The following NFIX variants were observed in gnomAD, a reference collection of about 807,000 sequenced individuals.
NFIX encodes the protein nuclear factor I X.
In NFIX, 2 loss-of-function variants were observed where a neutral mutation model predicts 53.3. The observed-to-expected ratio is 0.04, with a 90% CI of 0.02 to 0.12. NFIX has a LOEUF of 0.12. Ranked by LOEUF, NFIX falls within the 10% of genes least tolerant of loss-of-function variation. The pLI is 1.00. For synonymous variants in NFIX, 244 were observed against 289.0 expected, an observed-to-expected ratio of 0.84 and a Z score of 1.58; for missense variants, 310 against 674.5, an observed-to-expected ratio of 0.46 and a Z score of 5.99.
Position 13,028,824 on chromosome 19 carries a change from A to G in NFIX, c.559+3272A>G, listed in dbSNP as rs974986495. 6.6e-6 allele frequency among the ~76,000 whole-genome samples: 1 copy of G among 152,078 alleles called. No individual in the cohort carries two copies. The highest frequency in any genetic ancestry group is 1.5e-5 in the Non-Finnish European group (1 of 68,012). On this transcript the variant is annotated intron_variant, in intron 2 of 10. Coordinates refer to ENST00000592199, the MANE Select transcript of NFIX (RefSeq NM_001365902.3). The surrounding 1 kb of genome is among the most constrained non-coding windows in gnomAD (Gnocchi z 4.2). Reference sequence around the variant, plus strand: ...GAGATCTCTGCTTGTGTGAGAAAGGATGGCCGAGCTGGCCTAGAACCGCTG... The same window carrying G: ...GAGATCTCTGCTTGTGTGAGAAAGGGTGGCCGAGCTGGCCTAGAACCGCTG...
At chr19:13,026,724 T>TCTC (rs2013385546) in intron 2 of NFIX, among the ~76,000 whole-genome samples, 12 of 145,936 alleles carry the variant, frequency 8.2e-5, no homozygotes, top group Admixed American at 1.4e-4. Flanking sequence ...TACCAAACCT[T>TCTC]TCTCTCTCTC....
rs186437040 is a variant in NFIX, at chr19:13,023,196, A to G, written c.28-1825A>G. On this transcript the variant is annotated intron_variant, in intron 1 of 10. Coordinates refer to ENST00000592199, the MANE Select transcript of NFIX (RefSeq NM_001365902.3). ...GAGAGAGAGGGAGTTTGAGAGAGAG[A>G]AAAGGAGCAAAAAAAAAAAACACCC... Among the ~76,000 whole-genome samples the G allele has an allele frequency of 2.7e-3, 404 of 149,596 alleles. 3 individuals carry two copies. The highest frequency in any genetic ancestry group is 0.014 in the Middle Eastern group (4 of 280).
chr19:13,073,910 T>C lies in NFIX; in HGVS notation c.702T>C (p.Pro234=). The C allele has an allele frequency of 6.2e-7, 1 of 1,614,006 alleles. No individual in the cohort carries two copies. The highest frequency in any genetic ancestry group is 1.1e-5 in the South Asian group (1 of 91,084). ...VTELVRVSQT[P]VATASGPNFS... is the part of the protein sequence containing the mutation. Reference sequence around the variant, plus strand: ...TCACCCTCTCGTTCTTCCCAGCTCCTGTTGCAACAGCATCAGGGCCCAACT... The same window carrying C: ...TCACCCTCTCGTTCTTCCCAGCTCCCGTTGCAACAGCATCAGGGCCCAACT... Residue 234 remains proline, a synonymous_variant, in exon 5 of 11, where the codon CCT becomes CCC. Coordinates refer to ENST00000592199, the MANE Select transcript of NFIX (RefSeq NM_001365902.3). The surrounding 1 kb of genome is among the most constrained non-coding windows in gnomAD (Gnocchi z 4.5).
intron 1 of NFIX, among the ~76,000 whole-genome samples, chr19:13,010,257 C>T (rs1051176877): frequency 1.6e-4 from 25 of 152,182 alleles, no homozygotes; most frequent in African/African-American, 6.0e-4. Flanking sequence ...CAGCTGGGTC[C>T]GGACGGCGGC....
chr19:13,074,606 G>A (rs973953641), intron 5 of NFIX, among the ~76,000 whole-genome samples: 3 of 151,906 alleles, frequency 2.0e-5, no homozygotes, highest in Admixed American at 6.6e-5. Context: ...GTGGGGGAGG[G>A]CCTGGAGGGT....
rs2014763925 is a variant in NFIX at position 13,043,315 on chromosome 19, C to G, written c.559+17763C>G. ...GAAGGGGAGGGACCCTTGGGGGTCACCGTGGCATGGCAGTTTCCTCTCAGC... is the reference window on the plus strand; with the variant it reads ...GAAGGGGAGGGACCCTTGGGGGTCAGCGTGGCATGGCAGTTTCCTCTCAGC... On this transcript the variant is annotated intron_variant, in intron 2 of 10. Transcript: ENST00000592199. This position sits in a 1 kb window ranked among gnomAD's most constrained non-coding sequence, Gnocchi z 4.0. 6.6e-6 allele frequency among the ~76,000 whole-genome samples: 1 copy of G among 152,210 alleles called. No homozygotes were observed. Among genetic ancestry groups the G allele is most frequent in the Admixed American group, 6.5e-5 (1 of 15,284 alleles).
rs901510245 is a variant in NFIX at position 13,008,626 on chromosome 19, C to T, written c.27+12762C>T. Among the ~76,000 whole-genome samples, 6 of 152,168 alleles carry T rather than the reference C, an allele frequency of 3.9e-5. No homozygotes were observed. In the South Asian group the frequency reaches 6.2e-4, roughly 16 times the overall value. On this transcript the variant is annotated intron_variant, in intron 1 of 10. Coordinates refer to ENST00000592199, the MANE Select transcript of NFIX (RefSeq NM_001365902.3). ...CCCTCTTCTTCTTTCTCCAGGTCTC[C>T]GCTGGCCCTGCCCAGGCCTGGAGCT...
chr19:13,004,645 C>T (rs2011915927), intron 1 of NFIX, among the ~76,000 whole-genome samples: 1 of 151,984 alleles, frequency 6.6e-6, no homozygotes, highest in African/African-American at 2.4e-5. Flanking sequence ...AATTGGGAGC[C>T]CCAAATCCCT....
chr19:13,017,730 C>G (rs1179254672), intron 1 of NFIX, among the ~76,000 whole-genome samples: 2 of 152,238 alleles, frequency 1.3e-5, no homozygotes, highest in Non-Finnish European at 2.9e-5. Context: ...CTCTCGACTT[C>G]CAGATATTTT....
chr19:13,023,444 C>G (rs570428886), intron 1 of NFIX, among the ~76,000 whole-genome samples: 1 of 151,982 alleles, frequency 6.6e-6, no homozygotes, highest in Admixed American at 6.5e-5. Context: ...TTCCTCCGAT[C>G]AGGCAGCTCG....
rs928383445 is a variant in NFIX, at chr19:13,040,557, G to A, written c.559+15005G>A. On this transcript the variant is annotated intron_variant, in intron 2 of 10. Transcript: ENST00000592199. This position sits in a 1 kb window ranked among gnomAD's most constrained non-coding sequence, Gnocchi z 4.2. The stretch of plus-strand genomic sequence containing the variant: ...TCCCTCCCTCTCCTCAGGAGCCCTG[G>A]CCTCCAGGCTCCTTGTATGGACAGA... 6.6e-6 allele frequency among the ~76,000 whole-genome samples: 1 copy of A among 152,138 alleles called. No homozygotes were observed. Among genetic ancestry groups the A allele is most frequent in the Non-Finnish European group, 1.5e-5 (1 of 68,030 alleles).
rs991735815 is a variant in NFIX at position 13,088,829 on chromosome 19, GTCTC to G, written c.1402+697_1402+700del. 4.0e-5 allele frequency among the ~76,000 whole-genome samples: 6 copies of G among 151,814 alleles called. No homozygotes were observed. The highest frequency in any genetic ancestry group is 1.5e-4 in the African/African-American group (6 of 41,294). On this transcript the variant is annotated intron_variant, in intron 9 of 10. Coordinates refer to ENST00000592199, the MANE Select transcript of NFIX (RefSeq NM_001365902.3). The surrounding 1 kb of genome is among the most constrained non-coding windows in gnomAD (Gnocchi z 5.9). ...TTTGGCTTACTTCATCTCTCTCTCT[GTCTC>G]TCTTTCTTTTCTTTTCTTTTCTTTT...
intron 1 of NFIX, among the ~76,000 whole-genome samples, chr19:13,007,837 C>T (rs374226179): frequency 2.6e-5 from 4 of 152,128 alleles, no homozygotes; most frequent in Non-Finnish European, 5.9e-5. Context: ...TTTTCGCTGC[C>T]GAGGCTGCAA....
Position 13,072,594 on chromosome 19 carries a change from C to T in NFIX, c.560-453C>T, listed in dbSNP as rs2016836120. 6.6e-6 allele frequency among the ~76,000 whole-genome samples: 1 copy of T among 152,218 alleles called. No individual in the cohort carries two copies. The highest frequency in any genetic ancestry group is 6.5e-5 in the Admixed American group (1 of 15,288). On this transcript the variant is annotated intron_variant, in intron 2 of 10. Coordinates refer to ENST00000592199, the MANE Select transcript of NFIX (RefSeq NM_001365902.3). The surrounding 1 kb of genome is among the most constrained non-coding windows in gnomAD (Gnocchi z 4.0). ...TGTCCCCGCTGTGGAGAGAGATGGT[C>T]TCTGACTTCTCTCTTGGGACCCCTC... is the stretch of plus-strand genomic sequence containing the variant.
chr19:13,012,190 A>C lies in NFIX; in HGVS notation c.28-12831A>C, dbSNP rs2012391124. Reference sequence around the variant, plus strand: ...GGATGTCAGACGCGACCTGTGTGGCATGTACCAGGCTGGCTCCGACGACGG... The same window carrying C: ...GGATGTCAGACGCGACCTGTGTGGCCTGTACCAGGCTGGCTCCGACGACGG... On this transcript the variant is annotated intron_variant, in intron 1 of 10. Coordinates refer to ENST00000592199, the MANE Select transcript of NFIX (RefSeq NM_001365902.3). This position sits in a 1 kb window ranked among gnomAD's most constrained non-coding sequence, Gnocchi z 5.0. 6.6e-6 allele frequency: 1 copy of C among 152,270 alleles called. No homozygotes were observed. Among genetic ancestry groups the C allele is most frequent in the South Asian group, 2.1e-4 (1 of 4,836 alleles). 9.4% of individuals were successfully genotyped at this position (152,270 alleles called of 1,614,324 possible). A position where few individuals can be genotyped will look rare whatever the true frequency, so the allele number is the denominator to read the frequency against.
At position 13,011,143 on chromosome 19, in the gene NFIX, C is replaced by T. The variant is rs570945448; in HGVS notation, c.28-13878C>T. The stretch of plus-strand genomic sequence containing the variant: ...GGGGGAGGCGGGAGCAGCCCTCCCC[C>T]TCTCCACTGCGGACGGACATCCCAC... On this transcript the variant is annotated intron_variant, in intron 1 of 10. Coordinates refer to ENST00000592199, the MANE Select transcript of NFIX (RefSeq NM_001365902.3). The surrounding 1 kb of genome is among the most constrained non-coding windows in gnomAD (Gnocchi z 6.5). Among the ~76,000 whole-genome samples the T allele has an allele frequency of 1.3e-5, 2 of 152,278 alleles. No homozygotes were observed. Among genetic ancestry groups the T allele is most frequent in the Non-Finnish European group, 2.9e-5 (2 of 68,014 alleles).
In NFIX at chr19:13,097,324, A is replaced by G. The variant is rs1389631171; in HGVS notation, c.*2675A>G. 2 of 152,238 alleles carry G rather than the reference A, an allele frequency of 1.3e-5. No homozygotes were observed. Among genetic ancestry groups the G allele is most frequent in the African/African-American group, 2.4e-5 (1 of 41,294 alleles). The allele number at this position is 152,238 out of a possible 1,614,324, so 9.4% of individuals were successfully genotyped here. ...TAGAGTTTAAAAAAAACACCTCGAC[A>G]TTTAAAAAATCAACCAACACAAGAT... On this transcript the variant is annotated 3_prime_UTR_variant, in exon 11 of 11. Coordinates refer to ENST00000592199, the MANE Select transcript of NFIX (RefSeq NM_001365902.3).
chr19:13,000,877 G>A (rs769630960), intron 1 of NFIX, among the ~76,000 whole-genome samples: 3 of 152,198 alleles, frequency 2.0e-5, no homozygotes, highest in Admixed American at 6.5e-5. Context: ...CCGTGGCGCC[G>A]TGGCTGTGGG....
chr19:13,038,709 T>C (rs917095023), intron 2 of NFIX, among the ~76,000 whole-genome samples: 3 of 152,236 alleles, frequency 2.0e-5, no homozygotes, highest in African/African-American at 7.2e-5. Flanking sequence ...TGGCGCCCTC[T>C]GGCCTTGACC....
Sources: allele counts gnomAD v4.1 joint callset (sites outside exome capture counted in the v4.1 genomes callset), GRCh38; gene constraint gnomAD v4.1.1; non-coding constraint Gnocchi (gnomAD v3.1); transcripts MANE v1.5; gene names NCBI Gene and HGNC (gene_info 2026-07-23, HGNC 2026-07-21).